ADGRV1: variants seen among roughly 807,000 people sequenced by gnomAD.
ADGRV1 encodes the protein adhesion G protein-coupled receptor V1.
A neutral mutation model predicts 596.2 loss-of-function variants in ADGRV1; 359 were observed. The observed-to-expected ratio is 0.60, with a 90% CI of 0.55 to 0.66. The LOEUF (loss-of-function observed/expected upper bound fraction) is 0.66. ADGRV1 is among the 30% of genes least tolerant of loss of function. ADGRV1 has a pLI of 0.00. For synonymous variants in ADGRV1, 2,681 were observed against 2,679.2 expected (o/e 1.00, Z -0.02); for missense variants, 7,274 against 7,575.6 (o/e 0.96, Z 1.48).
chr5:90,839,961 A>G (rs1765288720), intron 77 of ADGRV1, among the ~76,000 whole-genome samples: 1 of 152,290 alleles, frequency 6.6e-6, no homozygotes, highest in South Asian at 2.1e-4. Context: ...GTAGTAAATA[A>G]ATGCACATTC....
chr5:90,813,225 G>C (rs985339329), intron 74 of ADGRV1, among the ~76,000 whole-genome samples: 1 of 137,270 alleles, frequency 7.3e-6, no homozygotes, highest in Non-Finnish European at 1.5e-5. Flanking sequence ...TTTTATTACA[G>C]GTATTTGAAT....
intron 84 of ADGRV1, among the ~76,000 whole-genome samples, chr5:90,973,466 A>G (rs1457161067): frequency 6.6e-6 from 1 of 152,200 alleles, no homozygotes; most frequent in East Asian, 1.9e-4. Context: ...AAATACTGAC[A>G]AACCGAATCC....
At chr5:91,110,262 G>A (rs1251572177) in intron 87 of ADGRV1, among the ~76,000 whole-genome samples, 2 of 152,052 alleles carry the variant, frequency 1.3e-5, no homozygotes, top group African/African-American at 4.8e-5. Flanking sequence ...TAATCACCTG[G>A]GGTTTATACT....
Position 91,150,154 on chromosome 5 carries a change from G to A in ADGRV1, c.18557G>A (p.Ser6186Asn). ...AGCACAGCCTTTTTCACGCCCGGGA[G>A]TGGAATGCCTCCTGCTGGAGGGGAA... ...GPSTAFFTPGSGMPPAGGEIS... is the reference protein window; with the variant it reads ...GPSTAFFTPGNGMPPAGGEIS... The change falls in exon 88 of 90, where the codon AGT becomes AAT. Residue 6186 changes from serine (S) to asparagine (N), a missense_variant. Coordinates refer to ENST00000405460, the MANE Select transcript of ADGRV1 (RefSeq NM_032119.4). 1 of 1,596,524 alleles carries A rather than the reference G, an allele frequency of 6.3e-7. No individual in the cohort carries two copies. Among genetic ancestry groups the A allele is most frequent in the South Asian group, 1.2e-5 (1 of 86,738 alleles).
intron 85 of ADGRV1, among the ~76,000 whole-genome samples, chr5:91,070,126 G>T (rs527401585): frequency 2.8e-4 from 43 of 152,242 alleles, no homozygotes; most frequent in African/African-American, 9.9e-4. Flanking sequence ...ATGGAGGGGG[G>T]CAAGGATAAC....
intron 85 of ADGRV1, among the ~76,000 whole-genome samples, chr5:90,988,638 TA>T (rs1301623171): frequency 6.6e-6 from 1 of 151,670 alleles, no homozygotes; most frequent in Non-Finnish European, 1.5e-5. Context: ...GACACACAGC[TA>T]TTTCTTTTTT....
Position 90,788,215 on chromosome 5 carries a change from G to A in ADGRV1, c.13798G>A (p.Glu4600Lys), listed in dbSNP as rs1272869434. 2 of 1,613,724 alleles carry A rather than the reference G, an allele frequency of 1.2e-6. No individual in the cohort carries two copies. The highest frequency in any genetic ancestry group is 2.7e-5 in the African/African-American group (2 of 75,062). Residue 4600 changes from glutamate (E) to lysine (K), a missense_variant, in exon 68 of 90, where the codon GAA (glutamate) becomes AAA (lysine). Coordinates refer to ENST00000405460, the MANE Select transcript of ADGRV1 (RefSeq NM_032119.4). ...CATAATTCTGACAATCTATCCTCAT[G>A]AAGAAATTGAAGTTGAAGAGACATT... Reference protein sequence around the residue: ...RTIILTIYPHEEIEVEETFII... With the variant: ...RTIILTIYPHKEIEVEETFII...
At chr5:91,162,598 A>G (rs1157833201) in intron 89 of ADGRV1, among the ~76,000 whole-genome samples, 1 of 152,154 alleles carries the variant, frequency 6.6e-6, no homozygotes. Context: ...TAGATCTAGA[A>G]AGAGCCAGCA....
At chr5:91,128,349 A>G (rs1321972304) in intron 87 of ADGRV1, among the ~76,000 whole-genome samples, 3 of 152,022 alleles carry the variant, frequency 2.0e-5, no homozygotes, top group African/African-American at 4.8e-5. Context: ...CAATATTTTC[A>G]ACTAAAAATG....
At chr5:90,762,355 G>GTA (rs1203290378) in intron 58 of ADGRV1, among the ~76,000 whole-genome samples, 1 of 152,010 alleles carries the variant, frequency 6.6e-6, no homozygotes, top group Non-Finnish European at 1.5e-5. Context: ...ATAAGATAAG[G>GTA]TATATGTAAG....
At chr5:90,642,348 T>C (rs1767073043) in intron 11 of ADGRV1, among the ~76,000 whole-genome samples, 1 of 152,194 alleles carries the variant, frequency 6.6e-6, no homozygotes, top group Non-Finnish European at 1.5e-5. Context: ...TAAAATATAT[T>C]GATAACATTT....
chr5:90,611,799 AT>A lies in ADGRV1; in HGVS notation c.23-3033del, dbSNP rs1389380382. Among the ~76,000 whole-genome samples, 9 of 152,106 alleles carry A rather than the reference AT, an allele frequency of 5.9e-5. No homozygotes were observed. In the South Asian group the frequency reaches 6.2e-4, roughly 11 times the overall value. The stretch of plus-strand genomic sequence containing the variant: ...ACTAATGCCTTGTCTTCTGAGTTTA[AT>A]TTAAAAAAAGGGAATTCCAAAGACT... On this transcript the variant is annotated intron_variant, in intron 1 of 89. Coordinates refer to ENST00000405460, the MANE Select transcript of ADGRV1 (RefSeq NM_032119.4).
At chr5:90,858,826 T>C (rs1011694672) in intron 82 of ADGRV1, among the ~76,000 whole-genome samples, 5 of 152,338 alleles carry the variant, frequency 3.3e-5, no homozygotes, top group African/African-American at 9.6e-5. Context: ...GCTTTGTTTG[T>C]ACATGGTCTT....
At chr5:90,890,580 C>T (rs1345725283) in intron 83 of ADGRV1, among the ~76,000 whole-genome samples, 2 of 152,148 alleles carry the variant, frequency 1.3e-5, no homozygotes, top group Non-Finnish European at 2.9e-5. Flanking sequence ...ACATGAAAGA[C>T]TTAAACAGTA....
At chr5:90,856,762 C>G (rs967204041) in intron 82 of ADGRV1, among the ~76,000 whole-genome samples, 8 of 152,148 alleles carry the variant, frequency 5.3e-5, no homozygotes, top group African/African-American at 1.9e-4. Context: ...GATCAAATTA[C>G]TTAGTTTCTC....
chr5:90,901,389 C>G (rs1053613171), intron 83 of ADGRV1, among the ~76,000 whole-genome samples: 4 of 152,118 alleles, frequency 2.6e-5, no homozygotes, highest in Non-Finnish European at 5.9e-5. Context: ...AGCATCCAGA[C>G]CAAAGTTGAG....
At position 90,558,809 on chromosome 5, in the gene ADGRV1, C is replaced by A; in HGVS notation, c.-87C>A. 1.5e-6 allele frequency: 2 copies of A among 1,336,656 alleles called. No individual in the cohort carries two copies. Among genetic ancestry groups the A allele is most frequent in the Non-Finnish European group, 1.1e-6 (1 of 951,104 alleles). 82.8% of individuals were successfully genotyped at this position (1,336,656 alleles called of 1,614,324 possible). On this transcript the variant is annotated 5_prime_UTR_variant, in exon 1 of 90. Coordinates refer to ENST00000405460, the MANE Select transcript of ADGRV1 (RefSeq NM_032119.4). ...CTGATCCTGTAGTGGTAGTAAGAAT[C>A]AGCAGCGCGGGCAAGGAGTACGGAC... is the stretch of plus-strand genomic sequence containing the variant.
At chr5:90,847,734 G>T (rs142381290) in intron 78 of ADGRV1, among the ~76,000 whole-genome samples, 5,869 of 152,306 alleles carry the variant, frequency 0.039, 401 homozygotes, top group African/African-American at 0.13. Context: ...GCCCCTCACT[G>T]CCCGGGGCTG....
At position 90,757,179 on chromosome 5, in the gene ADGRV1, A is replaced by T. The variant is rs371906949; in HGVS notation, c.11940+18A>T. 6.2e-7 allele frequency: 1 copy of T among 1,609,472 alleles called. No individual in the cohort carries two copies. The highest frequency in any genetic ancestry group is 1.1e-5 in the South Asian group (1 of 90,754). ...ATAAACAGGTATGCCAGTCATTAAC[A>T]TATTAGCCTTTTTGAGTTGTGCTTC... is the stretch of plus-strand genomic sequence containing the variant. On this transcript the variant is annotated intron_variant, in intron 57 of 89. Transcript: ENST00000405460.
Sources: allele counts gnomAD v4.1 joint callset (sites outside exome capture counted in the v4.1 genomes callset), GRCh38; gene constraint gnomAD v4.1.1; transcripts MANE v1.5; gene names NCBI Gene and HGNC (gene_info 2026-07-23, HGNC 2026-07-21).